The following TRPM3 variants were observed in gnomAD, a reference collection of about 807,000 sequenced individuals.
The protein encoded by TRPM3 is long transient receptor potential channel 3.
A neutral mutation model predicts 181.2 loss-of-function variants in TRPM3; 77 were observed. That is an observed-to-expected ratio of 0.42 (90% CI 0.35 to 0.51). The LOEUF (loss-of-function observed/expected upper bound fraction) is 0.51. Ranked by LOEUF, TRPM3 falls within the 20% of genes least tolerant of loss-of-function variation. The probability of loss-of-function intolerance (pLI) is 0.01; values close to 1 mark genes in which losing one functional copy is unlikely to be tolerated. For synonymous variants in TRPM3, 745 were observed against 796.4 expected, an observed-to-expected ratio of 0.94 and a Z score of 1.09; for missense variants, 1,759 against 2,196.7, an observed-to-expected ratio of 0.80 and a Z score of 3.98.
intron 6 of TRPM3, among the ~76,000 whole-genome samples, chr9:70,816,577 C>T (rs1360735009): frequency 6.6e-6 from 1 of 152,170 alleles, no homozygotes. Context: ...GCCAAGATTA[C>T]TGGCATGTGT....
chr9:70,845,317 G>T (rs940756410), intron 4 of TRPM3, among the ~76,000 whole-genome samples: 5 of 152,104 alleles, frequency 3.3e-5, no homozygotes, highest in Non-Finnish European at 5.9e-5. Flanking sequence ...TTGGCTCACT[G>T]CAGCCTCCAC....
chr9:71,202,072 G>C (rs1234970635), intron 1 of TRPM3, among the ~76,000 whole-genome samples: 1 of 152,208 alleles, frequency 6.6e-6, no homozygotes, highest in Non-Finnish European at 1.5e-5. Flanking sequence ...CTGCAGGTCT[G>C]TTGGAGTTTG....
At chr9:71,176,017 C>G (rs2077089061) in intron 1 of TRPM3, among the ~76,000 whole-genome samples, 1 of 152,062 alleles carries the variant, frequency 6.6e-6, no homozygotes, top group Non-Finnish European at 1.5e-5. Flanking sequence ...AACAGACCTA[C>G]TATGCTGCCA....
At chr9:70,838,316 GA>G (rs1245755603) in intron 5 of TRPM3, among the ~76,000 whole-genome samples, 2 of 152,188 alleles carry the variant, frequency 1.3e-5, no homozygotes, top group Non-Finnish European at 2.9e-5. Context: ...ATAATGAGGA[GA>G]GGGGACCTTT....
At chr9:71,341,968 G>T (rs895030558) in intron 1 of TRPM3, among the ~76,000 whole-genome samples, 3 of 151,658 alleles carry the variant, frequency 2.0e-5, no homozygotes, top group African/African-American at 7.3e-5. Context: ...CAAAAATTGA[G>T]GCAGAGAGGA....
chr9:70,819,447 A>G (rs2092978847), intron 6 of TRPM3, among the ~76,000 whole-genome samples: 1 of 152,226 alleles, frequency 6.6e-6, no homozygotes, highest in African/African-American at 2.4e-5. Context: ...TTGTTTACTT[A>G]GAAATGCTAA....
chr9:70,804,584 G>C (rs62545982), intron 6 of TRPM3, among the ~76,000 whole-genome samples: 6,565 of 152,020 alleles, frequency 0.043, 156 homozygotes, highest in Middle Eastern at 0.075. Flanking sequence ...CAGTTTCTCT[G>C]TTACCTCACT....
intron 1 of TRPM3, among the ~76,000 whole-genome samples, chr9:70,887,160 G>T (rs2096101838): frequency 6.6e-6 from 1 of 152,076 alleles, no homozygotes; most frequent in Non-Finnish European, 1.5e-5. Flanking sequence ...TAGTGGATTG[G>T]GCTACTGCTT....
At chr9:71,031,737 C>T (rs1216539820) in intron 1 of TRPM3, among the ~76,000 whole-genome samples, 4 of 150,914 alleles carry the variant, frequency 2.7e-5, no homozygotes, top group African/African-American at 9.7e-5. Flanking sequence ...AGGCTGGAGC[C>T]ATTGGGGTAA....
intron 1 of TRPM3, among the ~76,000 whole-genome samples, chr9:71,039,543 G>C (rs1384522991): frequency 6.6e-6 from 1 of 152,158 alleles, no homozygotes; most frequent in Non-Finnish European, 1.5e-5. Flanking sequence ...GTATGGAAAT[G>C]CCATATGTAA....
intron 1 of TRPM3, among the ~76,000 whole-genome samples, chr9:70,902,757 C>T (rs117572624): frequency 6.6e-6 from 1 of 152,266 alleles, no homozygotes; most frequent in East Asian, 1.9e-4. Flanking sequence ...CCTAATGCAT[C>T]CCTCATGAGT....
intron 20 of TRPM3, among the ~76,000 whole-genome samples, chr9:70,602,666 C>T (rs540644205): frequency 3.3e-5 from 5 of 152,322 alleles, no homozygotes; most frequent in African/African-American, 1.2e-4. Flanking sequence ...CGCTTAATCA[C>T]ATTCTTTTTA....
At chr9:71,201,297 G>T (rs1480018642) in intron 1 of TRPM3, among the ~76,000 whole-genome samples, 2 of 152,114 alleles carry the variant, frequency 1.3e-5, no homozygotes, top group Non-Finnish European at 2.9e-5. Flanking sequence ...CTCTCTGGCT[G>T]CCCTTAACAT....
intron 1 of TRPM3, among the ~76,000 whole-genome samples, chr9:70,984,237 C>A (rs2097397003): frequency 1.3e-5 from 2 of 152,222 alleles, no homozygotes; most frequent in Non-Finnish European, 2.9e-5. Context: ...TGCTACATAA[C>A]AGCCACTACC....
chr9:70,923,516 A>C (rs1756311800), intron 1 of TRPM3, among the ~76,000 whole-genome samples: 1 of 152,192 alleles, frequency 6.6e-6, no homozygotes, highest in Admixed American at 6.6e-5. Context: ...ATTACAAAGA[A>C]GAAAAAAAGT....
At chr9:71,150,309 T>C (rs2075663068) in intron 1 of TRPM3, among the ~76,000 whole-genome samples, 1 of 152,052 alleles carries the variant, frequency 6.6e-6, no homozygotes, top group Admixed American at 6.6e-5. Context: ...GCAAATACAT[T>C]TGAAAATCTG....
intron 1 of TRPM3, among the ~76,000 whole-genome samples, chr9:70,888,365 GT>G (rs1554760791): frequency 1.4e-4 from 13 of 90,472 alleles, no homozygotes; most frequent in South Asian, 8.0e-4. Context: ...ATTTTGGGGT[GT>G]GTGTGTGTGT....
chr9:70,987,952 T>G (rs913907487), intron 1 of TRPM3, among the ~76,000 whole-genome samples: 6 of 152,190 alleles, frequency 3.9e-5, no homozygotes, highest in Non-Finnish European at 5.9e-5. Flanking sequence ...CTTGGATTAG[T>G]GTACTCCTTA....
In TRPM3 at chr9:71,200,640, T is replaced by C. The variant is rs536599761; in HGVS notation, c.183+246013A>G. ...TACCGTTATGTAATGGCCTTCTCTG[T>C]CTCTTTTGATCTTTGTTGGTTTAAA... is the stretch of plus-strand genomic sequence containing the variant. On this transcript the variant is annotated intron_variant, in intron 1 of 24. Transcript: ENST00000357533. 1.4e-3 allele frequency among the ~76,000 whole-genome samples: 215 copies of C among 152,332 alleles called. 3 individuals are homozygous for C. The highest frequency in any genetic ancestry group is 4.6e-3 in the African/African-American group (192 of 41,580).
Sources: allele counts gnomAD v4.1 joint callset (sites outside exome capture counted in the v4.1 genomes callset), GRCh38; gene constraint gnomAD v4.1.1; transcripts MANE v1.5; gene names NCBI Gene and HGNC (gene_info 2026-07-23, HGNC 2026-07-21).